Variants in RRP12 observed in about 807,000 individuals in gnomAD.
The protein encoded by RRP12 is RRP12-like protein.
RRP12 carries 78 observed loss-of-function variants against 157.3 expected under a neutral mutation model. The ratio of observed to expected loss-of-function variants is 0.50; its 90% CI spans 0.41 to 0.60. RRP12 has a LOEUF of 0.60. RRP12 is among the 20% of genes least tolerant of loss of function. RRP12 has a pLI of 0.00. For synonymous variants in RRP12, 726 were observed against 670.9 expected (o/e 1.08, Z -1.27); for missense variants, 1,521 against 1,679.9 (o/e 0.91, Z 1.65).
intron 2 of RRP12, 32 bp from the exon 3 acceptor site, chr10:97,396,333 T>G (rs747072438): frequency 6.4e-7 from 1 of 1,564,002 alleles, no homozygotes; most frequent in African/African-American, 1.4e-5. Flanking sequence ...CTGTGACTAT[T>G]TTAGACCTAA....
chr10:97,371,709 TC>T lies in RRP12; in HGVS notation c.2343+363del, dbSNP rs528090941. 35 of 211,608 alleles carry T rather than the reference TC, an allele frequency of 1.7e-4. No homozygotes were observed. In the South Asian group the frequency reaches 3.5e-3, roughly 21 times the overall value. The allele number at this position is 211,608 out of a possible 1,614,324, so 13.1% of individuals were successfully genotyped here. On this transcript the variant is annotated intron_variant, in intron 20 of 33. Coordinates refer to ENST00000370992, the MANE Select transcript of RRP12 (RefSeq NM_015179.4). ...AAAGGCACAGACAGGGCCTGTTATA[TC>T]AGGGAGGCTTAAGGCAGCTGAAGGA...
intron 3 of RRP12, 90 bp downstream of exon 3, chr10:97,396,128 T>C (rs1214423716): frequency 1.7e-5 from 16 of 917,410 alleles, no homozygotes; most frequent in African/African-American, 9.8e-5. Flanking sequence ...TGTCCTTCTC[T>C]ACCCCCACAT....
At position 97,366,850 on chromosome 10, in the gene RRP12, C is replaced by T. The variant is rs745922226; in HGVS notation, c.3107G>A (p.Arg1036Gln). ...EEYHRVLVNIRKAEARAKRHR... is the reference protein window; with the variant it reads ...EEYHRVLVNIQKAEARAKRHR... ...CCTCTTGGCCCGGGCCTCAGCTTTC[C>T]GGATGTTGACCAGGACTCTGTGGTA... The change falls in exon 27 of 34, where the codon CGG becomes CAG. Residue 1036 changes from arginine to glutamine, a missense_variant. Transcript: ENST00000370992. 1.1e-5 allele frequency: 18 copies of T among 1,614,206 alleles called. No individual in the cohort carries two copies. Among genetic ancestry groups the T allele is most frequent in the Non-Finnish European group, 1.4e-5 (16 of 1,180,042 alleles).
rs1845062643 is a variant in RRP12 at position 97,399,020 on chromosome 10, TC to T, written c.369+1284del. ...CGGGCGCAGTGGCTCACACCTGTAA[TC>T]CCAGCACTTTAGGAGGCCGAGGCGG... On this transcript the variant is annotated intron_variant, in intron 2 of 33. Coordinates refer to ENST00000370992, the MANE Select transcript of RRP12 (RefSeq NM_015179.4). Among the ~76,000 whole-genome samples, 3 of 152,284 alleles carry T rather than the reference TC, an allele frequency of 2.0e-5. No homozygotes were observed. In the South Asian group the frequency reaches 6.2e-4, roughly 32 times the overall value.
Position 97,400,442 on chromosome 10 carries a change from G to C in RRP12, c.232C>G (p.Pro78Ala), listed in dbSNP as rs748213414. 3 of 1,614,112 alleles carry C rather than the reference G, an allele frequency of 1.9e-6. No individual in the cohort carries two copies. The South Asian group carries it at 3.3e-5, about 18-fold the overall frequency. Residue 78 changes from proline (P) to alanine (A), a missense_variant, in exon 2 of 34, where the codon CCC becomes GCC. Physicochemically the swap from Pro to Ala is conservative, Grantham distance 27. Transcript: ENST00000370992. ...RLGKSEAPET[P>A]MEEEAELVLT... ...ACCAGCTCCGCCTCTTCTTCCATGG[G>C]CGTCTCCGGGGCTTCGCTTTTGCCC...
intron 8 of RRP12, among the ~76,000 whole-genome samples, chr10:97,387,443 C>T (rs575948622): frequency 1.3e-5 from 2 of 151,496 alleles, no homozygotes; most frequent in East Asian, 1.9e-4. Context: ...AAGCAATCCT[C>T]CCACTTCCAC....
At chr10:97,358,686 T>G (rs1181575352) in intron 32 of RRP12, 67 bp from the exon 33 acceptor site, 6 of 1,226,232 alleles carry the variant, frequency 4.9e-6, no homozygotes, top group African/African-American at 1.5e-5. Context: ...GCCCTAGACT[T>G]GACAGGCCCC....
At chr10:97,398,580 C>T (rs187711053) in intron 2 of RRP12, among the ~76,000 whole-genome samples, 380 of 151,442 alleles carry the variant, frequency 2.5e-3, no homozygotes, top group African/African-American at 8.9e-3. Context: ...CTCTTGACCT[C>T]AAATGATCTG....
At chr10:97,359,320 G>A (rs1843786053) in intron 31 of RRP12, among the ~76,000 whole-genome samples, 1 of 152,210 alleles carries the variant, frequency 6.6e-6, no homozygotes, top group Non-Finnish European at 1.5e-5. Context: ...AAGTCAGACA[G>A]AATTCAGCCA....
In RRP12 at chr10:97,390,850, G is replaced by C. The variant is rs201728831; in HGVS notation, c.531-6C>G. 6.3e-7 allele frequency: 1 copy of C among 1,576,770 alleles called. No individual in the cohort carries two copies. ...TAAGCACAGGGCTGGGAACACTGTG[G>C]GAAAGAACAGAGATGGTCACCCCAG... On this transcript the variant is annotated splice_region_variant and splice_polypyrimidine_tract_variant and intron_variant, in intron 4 of 33. Transcript: ENST00000370992.
At chr10:97,393,605 C>T (rs1431583699) in intron 4 of RRP12, 79 bp downstream of exon 4, 1 of 1,113,986 alleles carries the variant, frequency 9.0e-7, no homozygotes, top group Non-Finnish European at 1.4e-6. Context: ...TAACAATTCC[C>T]TGATCCTGTT....
At position 97,370,928 on chromosome 10, in the gene RRP12, T is replaced by G; in HGVS notation, c.2497A>C (p.Lys833Gln). 2 of 1,613,932 alleles carry G rather than the reference T, an allele frequency of 1.2e-6. No individual in the cohort carries two copies. The highest frequency in any genetic ancestry group is 4.5e-5 in the East Asian group (2 of 44,868). ...GGTGGCCCTAGAGCCCTCACCCTCT[T>G]GGCGGGTGAGGAGGTGCTCCGCAGC... The part of the protein sequence containing the change: ...DSLRSTSSPA[K>Q]RPRLKCLLHI... The change falls in exon 21 of 34, where the codon AAG becomes CAG. Residue 833 changes from lysine (K) to glutamine (Q), a missense_variant. Lys to Gln is a moderately conservative substitution (Grantham distance 53, BLOSUM62 1). Coordinates refer to ENST00000370992, the MANE Select transcript of RRP12 (RefSeq NM_015179.4).
At position 97,391,748 on chromosome 10, in the gene RRP12, G is replaced by T. The variant is rs141083764; in HGVS notation, c.531-904C>A. On this transcript the variant is annotated intron_variant, in intron 4 of 33. Coordinates refer to ENST00000370992, the MANE Select transcript of RRP12 (RefSeq NM_015179.4). ...CATCCTGGCTAACACAGTGAAACCC[G>T]GTCTCTACTAAAAATACAAACAATT... Among the ~76,000 whole-genome samples the T allele has an allele frequency of 3.3e-5, 5 of 151,884 alleles. No individual in the cohort carries two copies. The East Asian group carries it at 9.7e-4, about 29-fold the overall frequency.
intron 8 of RRP12, among the ~76,000 whole-genome samples, chr10:97,386,947 G>A (rs1350937386): frequency 2.6e-5 from 4 of 151,902 alleles, no homozygotes; most frequent in African/African-American, 9.7e-5. Context: ...CCGAGACCAC[G>A]CCACTGCACT....
In RRP12 at chr10:97,373,035, C is replaced by G. The variant is rs377240273; in HGVS notation, c.2181+11G>C. ...CCCCTCCTCCCTCCTTCCCTCCCTT[C>G]CGTGGCTCACCTGAGTGTCAGTGAT... On this transcript the variant is annotated intron_variant, in intron 18 of 33. Coordinates refer to ENST00000370992, the MANE Select transcript of RRP12 (RefSeq NM_015179.4). 605 of 1,603,396 alleles carry G rather than the reference C, an allele frequency of 3.8e-4. 3 individuals are homozygous for G. The South Asian group carries it at 6.4e-3, about 17-fold the overall frequency.
intron 4 of RRP12, among the ~76,000 whole-genome samples, chr10:97,391,693 G>A (rs933542622): frequency 1.6e-4 from 25 of 152,166 alleles, no homozygotes; most frequent in African/African-American, 3.1e-4. Context: ...AGGCCGAGGC[G>A]GGTGGATCAT....
chr10:97,378,788 C>T (rs951767070), intron 15 of RRP12, among the ~76,000 whole-genome samples: 2 of 152,002 alleles, frequency 1.3e-5, no homozygotes, highest in African/African-American at 2.4e-5. Flanking sequence ...ACCCGGAAGG[C>T]GGAGGTTGCA....
At chr10:97,379,874 A>C in intron 13 of RRP12, 104 bp from the exon 14 acceptor site, 1 of 1,140,744 alleles carries the variant, frequency 8.8e-7, no homozygotes. Flanking sequence ...CCTGGGTTCA[A>C]CGCTACACCA....
intron 31 of RRP12, among the ~76,000 whole-genome samples, chr10:97,360,060 A>G (rs1843803117): frequency 6.6e-6 from 1 of 152,174 alleles, no homozygotes. Context: ...TGGCACTTCT[A>G]GCAGCTGCTC....
Sources: allele counts gnomAD v4.1 joint callset (sites outside exome capture counted in the v4.1 genomes callset), GRCh38; gene constraint gnomAD v4.1.1; transcripts MANE v1.5; gene names NCBI Gene and HGNC (gene_info 2026-07-23, HGNC 2026-07-21).